Variants in CCND2 observed in about 807,000 individuals in gnomAD.
CCND2 encodes the protein G1/S-specific cyclin-D2.
In CCND2, 6 loss-of-function variants were observed where a neutral mutation model predicts 30.2. The ratio of observed to expected loss-of-function variants is 0.20; its 90% confidence interval spans 0.11 to 0.39. The LOEUF (loss-of-function observed/expected upper bound fraction) is 0.39, where lower values mean the gene tolerates loss of function less well. Ranked by LOEUF, CCND2 falls within the 10% of genes least tolerant of loss-of-function variation. The probability of loss-of-function intolerance (pLI) is 1.00; values close to 1 mark genes in which losing one functional copy is unlikely to be tolerated. For synonymous variants in CCND2, 150 were observed against 153.1 expected, an observed-to-expected ratio of 0.98 and a Z score of 0.15; for missense variants, 235 against 373.4, an observed-to-expected ratio of 0.63 and a Z score of 3.06.
chr12:4,290,125 G>A (rs1264477033), intron 4 of CCND2, among the ~76,000 whole-genome samples: 2 of 152,158 alleles, frequency 1.3e-5, no homozygotes, highest in Non-Finnish European at 2.9e-5. Context: ...TATGGCTGAG[G>A]CCTGCACGAG....
Position 4,293,521 on chromosome 12 carries a change from C to T in CCND2, c.720+4531C>T, listed in dbSNP as rs564932883. ...TCGAACCCGTCACCCAGACAGTGTA[C>T]ACAGTACCCAATAGGGAGTGTTTCA... is the stretch of plus-strand genomic sequence containing the variant. On this transcript the variant is annotated intron_variant, in intron 4 of 4. Coordinates refer to ENST00000261254, the MANE Select transcript of CCND2 (RefSeq NM_001759.4). The surrounding 1 kb of genome is among the most constrained non-coding windows in gnomAD (Gnocchi z 4.9). Among the ~76,000 whole-genome samples the T allele has an allele frequency of 1.8e-4, 28 of 152,336 alleles. No individual in the cohort carries two copies. Among genetic ancestry groups the T allele is most frequent in the South Asian group, 6.2e-4 (3 of 4,832 alleles).
At position 4,302,300 on chromosome 12, in the gene CCND2, T is replaced by C. The variant is rs1449932424; in HGVS notation, c.*2291T>C. On this transcript the variant is annotated 3_prime_UTR_variant, in exon 5 of 5. Coordinates refer to ENST00000261254, the MANE Select transcript of CCND2 (RefSeq NM_001759.4). ...AAGGCAGACGTTCAGTACAAACATTTATGCGGTAGGCTCAGATGTCGTAAT... is the reference window on the plus strand; with the variant it reads ...AAGGCAGACGTTCAGTACAAACATTCATGCGGTAGGCTCAGATGTCGTAAT... 4.3e-6 allele frequency: 1 copy of C among 232,934 alleles called. No individual in the cohort carries two copies. Among genetic ancestry groups the C allele is most frequent in the Non-Finnish European group, 8.5e-6 (1 of 117,892 alleles). 14.4% of individuals were successfully genotyped at this position (232,934 alleles called of 1,614,324 possible).
chr12:4,275,070 A>AGGGG (rs954221991), intron 1 of CCND2: 4 of 146,846 alleles, frequency 2.7e-5, no homozygotes, highest in Non-Finnish European at 6.0e-5. Context: ...TGGGGTAGGA[A>AGGGG]GGGGGGGAGG....
At chr12:4,289,139 G>A in intron 4 of CCND2, 149 bp downstream of exon 4, 1 of 412,580 alleles carries the variant, frequency 2.4e-6, no homozygotes, top group Non-Finnish European at 3.8e-6. Context: ...TTCAGCAGGT[G>A]ACACCCCCTC....
chr12:4,303,501 G>A lies in CCND2; in HGVS notation c.*3492G>A, dbSNP rs545208657. 2.1e-4 allele frequency: 50 copies of A among 233,472 alleles called. No individual in the cohort carries two copies. In the East Asian group the frequency reaches 2.8e-3, roughly 13 times the overall value. The allele number at this position is 233,472 out of a possible 1,614,324, so 14.5% of individuals were successfully genotyped here. A position where few individuals can be genotyped will look rare whatever the true frequency, so the allele number is the denominator to read the frequency against. ...TTCTACCTTGTTGTGTTTCTATCTC[G>A]TCTTTACTTCCATCTGTTTGTTTTT... is the stretch of plus-strand genomic sequence containing the variant. On this transcript the variant is annotated 3_prime_UTR_variant, in exon 5 of 5. Coordinates refer to ENST00000261254, the MANE Select transcript of CCND2 (RefSeq NM_001759.4). This position sits in a 1 kb window ranked among gnomAD's most constrained non-coding sequence, Gnocchi z 4.6.
At chr12:4,295,653 T>C (rs539745184) in intron 4 of CCND2, among the ~76,000 whole-genome samples, 150 of 152,186 alleles carry the variant, frequency 9.9e-4, no homozygotes, top group Non-Finnish European at 1.7e-3. Context: ...GGCGTGCACC[T>C]GTAATCCCAG....
intron 4 of CCND2, chr12:4,297,781 G>C (rs1281796369): frequency 2.3e-6 from 1 of 438,938 alleles, no homozygotes; most frequent in Admixed American, 2.5e-5. Context: ...CAGGGTAAGG[G>C]TAAGGGATGT....
At position 4,283,258 on chromosome 12, in the gene CCND2, G is replaced by A. The variant is rs3217828; in HGVS notation, c.571+4339G>A. Among the ~76,000 whole-genome samples the A allele has an allele frequency of 3.5e-3, 531 of 152,326 alleles. 6 individuals carry two copies. The highest frequency in any genetic ancestry group is 4.7e-3 in the Admixed American group (72 of 15,310). On this transcript the variant is annotated intron_variant, in intron 3 of 4. Transcript: ENST00000261254. ...CCAGAGGCTCCCAGGGCATCCTTGG[G>A]AGGATAAGCCTTTTGTGCTTGCTGG...
intron 4 of CCND2, among the ~76,000 whole-genome samples, chr12:4,290,898 G>A (rs1000545381): frequency 2.6e-5 from 4 of 152,192 alleles, no homozygotes; most frequent in Non-Finnish European, 5.9e-5. Context: ...TACGAAGCTG[G>A]TTTAGGGGTG....
chr12:4,276,464 C>T lies in CCND2; in HGVS notation c.411+244C>T, dbSNP rs1442189336. ...AGGCTACATCTGTGAATAAGATCCT[C>T]ATGGAGATTTGGGTTGGTGAGACTC... On this transcript the variant is annotated intron_variant, in intron 2 of 4. Transcript: ENST00000261254. The surrounding 1 kb of genome is among the most constrained non-coding windows in gnomAD (Gnocchi z 4.8). Among the ~76,000 whole-genome samples, 3 of 152,224 alleles carry T rather than the reference C, an allele frequency of 2.0e-5. No individual in the cohort carries two copies. The highest frequency in any genetic ancestry group is 7.2e-5 in the African/African-American group (3 of 41,460).
intron 4 of CCND2, among the ~76,000 whole-genome samples, chr12:4,297,292 C>G (rs1308156839): frequency 6.6e-6 from 1 of 152,118 alleles, no homozygotes; most frequent in East Asian, 1.9e-4. Context: ...TACTTTCAGG[C>G]CGGGCTCAGT....
rs3217786 is a variant in CCND2 at position 4,273,992 on chromosome 12, T to C, written c.-49T>C. On this transcript the variant is annotated 5_prime_UTR_variant, in exon 1 of 5. Coordinates refer to ENST00000261254, the MANE Select transcript of CCND2 (RefSeq NM_001759.4). The surrounding 1 kb of genome is among the most constrained non-coding windows in gnomAD (Gnocchi z 5.9). ...TCCAAAAAACAAAAACAGAAAAACC[T>C]TTTTCCAGGCCGGGGAAAGCAGGAG... 1,563,759 of 1,571,080 alleles carry C rather than the reference T, an allele frequency of 1. 778,531 individuals carry two copies. The highest frequency in any genetic ancestry group is 1 in the East Asian group (43,719 of 43,720).
chr12:4,291,207 C>CTGTGTGTGTGTGTG (rs1320194012), intron 4 of CCND2, among the ~76,000 whole-genome samples: 28,708 of 138,602 alleles, frequency 0.21, 3,211 homozygotes, highest in Middle Eastern at 0.36. Context: ...CTGGGCTAGG[C>CTGTGTGTGTGTGTG]TGTGTGTGTG....
At chr12:4,289,144 C>A (rs1409582298) in intron 4 of CCND2, 154 bp downstream of exon 4, 2 of 573,036 alleles carry the variant, frequency 3.5e-6, no homozygotes, top group East Asian at 7.2e-5. Flanking sequence ...CAGGTGACAC[C>A]CCCTCTTAAG....
chr12:4,274,445 G>T lies in CCND2; in HGVS notation c.195+210G>T, dbSNP rs192789437. The stretch of plus-strand genomic sequence containing the variant: ...GGAGGCAGAGGGGGGAGGAAAATCT[G>T]GGAGAAGCGAGGCTGTCCTGGGCGG... On this transcript the variant is annotated intron_variant, in intron 1 of 4. Transcript: ENST00000261254. This position sits in a 1 kb window ranked among gnomAD's most constrained non-coding sequence, Gnocchi z 7.7. 6.6e-6 allele frequency among the ~76,000 whole-genome samples: 1 copy of T among 152,304 alleles called. No homozygotes were observed. Among genetic ancestry groups the T allele is most frequent in the African/African-American group, 2.4e-5 (1 of 41,574 alleles).
rs1272985916 is a variant in CCND2 at position 4,304,597 on chromosome 12, G to A, written c.*4588G>A. ...TCAGGCACAACGATACTACATTCGT[G>A]TGTGTCTGCTTTTAAACTTGGCTGG... On this transcript the variant is annotated 3_prime_UTR_variant, in exon 5 of 5. Coordinates refer to ENST00000261254, the MANE Select transcript of CCND2 (RefSeq NM_001759.4). The surrounding 1 kb of genome is among the most constrained non-coding windows in gnomAD (Gnocchi z 6.2). 1 of 233,602 alleles carries A rather than the reference G, an allele frequency of 4.3e-6. No homozygotes were observed. The highest frequency in any genetic ancestry group is 8.5e-6 in the Non-Finnish European group (1 of 118,052). 14.5% of individuals were successfully genotyped at this position (233,602 alleles called of 1,614,324 possible).
intron 3 of CCND2, among the ~76,000 whole-genome samples, chr12:4,281,445 A>G (rs1402597851): frequency 6.6e-6 from 1 of 152,222 alleles, no homozygotes; most frequent in East Asian, 1.9e-4. Flanking sequence ...TCTGGCCAGT[A>G]GCGGGCACAG....
Position 4,300,091 on chromosome 12 carries a change from T to G in CCND2, c.*82T>G, listed in dbSNP as rs745348060. Reference sequence around the variant, plus strand: ...TCTGGTTGTTTTTGTTCTTTGTGTTTTAGGGTGAAACTTAAAAAAAAAATT... The same window carrying G: ...TCTGGTTGTTTTTGTTCTTTGTGTTGTAGGGTGAAACTTAAAAAAAAAATT... On this transcript the variant is annotated 3_prime_UTR_variant, in exon 5 of 5. Transcript: ENST00000261254. 241 of 1,406,916 alleles carry G rather than the reference T, an allele frequency of 1.7e-4. No homozygotes were observed. Among genetic ancestry groups the G allele is most frequent in the Non-Finnish European group, 1.9e-4 (205 of 1,059,070 alleles). 87.2% of individuals were successfully genotyped at this position (1,406,916 alleles called of 1,614,324 possible).
rs1426391822 is a variant in CCND2 at position 4,303,720 on chromosome 12, A to G, written c.*3711A>G. 4.3e-6 allele frequency: 1 copy of G among 233,534 alleles called. No homozygotes were observed. Among genetic ancestry groups the G allele is most frequent in the Admixed American group, 5.6e-5 (1 of 17,796 alleles). The allele number at this position is 233,534 out of a possible 1,614,324, so 14.5% of individuals were successfully genotyped here. On this transcript the variant is annotated 3_prime_UTR_variant, in exon 5 of 5. Transcript: ENST00000261254. The surrounding 1 kb of genome is among the most constrained non-coding windows in gnomAD (Gnocchi z 4.6). ...CCAAGGGCAGTTCCCTCCGCAGAACACCCCATGCGTGCTGAGAGGCGAGCT... is the reference window on the plus strand; with the variant it reads ...CCAAGGGCAGTTCCCTCCGCAGAACGCCCCATGCGTGCTGAGAGGCGAGCT...
Sources: allele counts gnomAD v4.1 joint callset (sites outside exome capture counted in the v4.1 genomes callset), GRCh38; gene constraint gnomAD v4.1.1; non-coding constraint Gnocchi (gnomAD v3.1); transcripts MANE v1.5; gene names NCBI Gene and HGNC (gene_info 2026-07-23, HGNC 2026-07-21).